Variants in NALCN observed in about 807,000 individuals in gnomAD.
NALCN encodes the protein sodium leak channel NALCN.
In NALCN, 111 loss-of-function variants were observed where a neutral mutation model predicts 225.3. The ratio of observed to expected loss-of-function variants is 0.49; its 90% CI spans 0.42 to 0.58. The LOEUF is 0.58. NALCN is among the 20% of genes least tolerant of loss of function. The pLI is 0.00. For synonymous variants in NALCN, 764 were observed against 769.0 expected, an observed-to-expected ratio of 0.99 and a Z score of 0.11; for missense variants, 1,378 against 2,202.4, an observed-to-expected ratio of 0.63 and a Z score of 7.49.
chr13:101,383,629 G>C (rs1346519286), intron 3 of NALCN, among the ~76,000 whole-genome samples: 2 of 152,162 alleles, frequency 1.3e-5, no homozygotes, highest in Non-Finnish European at 2.9e-5. Context: ...AATGTATACA[G>C]CAAGATGTCA....
rs79264337 is a variant in NALCN at position 101,111,178 on chromosome 13, G to A, written c.2241C>T (p.Pro747=). The A allele has an allele frequency of 3.7e-3, 5,974 of 1,608,526 alleles. 12 individuals are homozygous for A. Among genetic ancestry groups the A allele is most frequent in the African/African-American group, 0.01 (759 of 74,936 alleles). The change falls in exon 19 of 44, where the codon CCC becomes CCT. Residue 747 remains proline, a synonymous_variant. Transcript: ENST00000251127. ...CGCTGAGGATTGACCTCTCCTTTGCGGGCTGCCCCTCAAATGATCCGCTCA... is the reference window on the plus strand; with the variant it reads ...CGCTGAGGATTGACCTCTCCTTTGCAGGCTGCCCCTCAAATGATCCGCTCA... ...RMLSGSFEGQ[P]AKERSILSVQ...
Position 101,090,060 on chromosome 13 carries a change from ATG to A in NALCN, c.3270-96_3270-95del, listed in dbSNP as rs148372023. The A allele has an allele frequency of 6.4e-3, 9,535 of 1,492,816 alleles. 1 individual carries two copies. The highest frequency in any genetic ancestry group is 7.0e-3 in the Non-Finnish European group (7,668 of 1,099,972). The allele number at this position is 1,492,816 out of a possible 1,614,324, so 92.5% of individuals were successfully genotyped here. A position where few individuals can be genotyped will look rare whatever the true frequency, so the allele number is the denominator to read the frequency against. ...CCCTTTCCAGTCATGAGTGTGGGAT[ATG>A]TGTGTGTGTGTGTATATACACACAC... On this transcript the variant is annotated intron_variant, in intron 28 of 43. Transcript: ENST00000251127.
At chr13:101,406,859 A>G (rs2047640694) in intron 1 of NALCN, among the ~76,000 whole-genome samples, 1 of 152,164 alleles carries the variant, frequency 6.6e-6, no homozygotes, top group African/African-American at 2.4e-5. Context: ...CCATTTGATA[A>G]TCTCACCCCA....
In NALCN at chr13:101,089,534, A is replaced by C; in HGVS notation, c.3489+129T>G. The C allele has an allele frequency of 4.1e-6, 3 of 728,678 alleles. No individual in the cohort carries two copies. Among genetic ancestry groups the C allele is most frequent in the Non-Finnish European group, 6.8e-6 (3 of 440,890 alleles). 45.1% of individuals were successfully genotyped at this position (728,678 alleles called of 1,614,324 possible). On this transcript the variant is annotated intron_variant, in intron 30 of 43. Transcript: ENST00000251127. The surrounding 1 kb of genome is among the most constrained non-coding windows in gnomAD (Gnocchi z 4.7). ...ATGAGGGAGCTTGTAAAACAGTTAT[A>C]GAGATTATTTACACCAGTCACATTA...
In NALCN at chr13:101,089,619, T is replaced by A. The variant is rs374948074; in HGVS notation, c.3489+44A>T. 7.9e-5 allele frequency: 123 copies of A among 1,562,828 alleles called. No individual in the cohort carries two copies. The highest frequency in any genetic ancestry group is 1.0e-4 in the Non-Finnish European group (115 of 1,139,030). ...AAACAAATAGCTCAAAGTGAGTGGC[T>A]AGAAAAGGCTAAACCCTGTGGTATC... On this transcript the variant is annotated intron_variant, in intron 30 of 43. Transcript: ENST00000251127. This position sits in a 1 kb window ranked among gnomAD's most constrained non-coding sequence, Gnocchi z 4.7.
chr13:101,243,222 C>T (rs140748001), intron 11 of NALCN, among the ~76,000 whole-genome samples: 1,719 of 102,876 alleles, frequency 0.017, 564 homozygotes, highest in South Asian at 0.052. Context: ...TTACTTTGCC[C>T]TTATTATTAT....
chr13:101,311,994 CT>C (rs540812102), intron 7 of NALCN, among the ~76,000 whole-genome samples: 227 of 152,188 alleles, frequency 1.5e-3, no homozygotes, highest in African/African-American at 5.1e-3. Flanking sequence ...TGGTCCCGGA[CT>C]TTTTTTGGTT....
At chr13:101,142,138 C>CTTTTTTTTTTTTT (rs33925974) in intron 17 of NALCN, among the ~76,000 whole-genome samples, 9 of 97,062 alleles carry the variant, frequency 9.3e-5, no homozygotes, top group Admixed American at 1.2e-4. Flanking sequence ...CATTCTATGT[C>CTTTTTTTTTTTTT]TTTTTTTTTT....
intron 18 of NALCN, among the ~76,000 whole-genome samples, chr13:101,124,222 C>T (rs2036119855): frequency 6.6e-6 from 1 of 152,070 alleles, no homozygotes; most frequent in African/African-American, 2.4e-5. Flanking sequence ...AATAAATGTG[C>T]TCTTAATAGT....
Position 101,103,171 on chromosome 13 carries a change from C to A in NALCN, c.3057+1G>T. On this transcript the variant is annotated splice_donor_variant, in intron 26 of 43. Coordinates refer to ENST00000251127, the MANE Select transcript of NALCN (RefSeq NM_052867.4). LOFTEE classifies it high-confidence loss of function. Reference sequence around the variant, plus strand: ...GGAATCAAAGGATAATTCTCACATACCAAAAAAATTTCCTTGAAGCCGCTG... The same window carrying A: ...GGAATCAAAGGATAATTCTCACATAACAAAAAAATTTCCTTGAAGCCGCTG... 2 of 1,611,632 alleles carry A rather than the reference C, an allele frequency of 1.2e-6. No individual in the cohort carries two copies. The highest frequency in any genetic ancestry group is 1.7e-6 in the Non-Finnish European group (2 of 1,179,176).
Position 101,265,363 on chromosome 13 carries a change from C to T in NALCN, c.1135-6789G>A, listed in dbSNP as rs536276759. On this transcript the variant is annotated intron_variant, in intron 10 of 43. Coordinates refer to ENST00000251127, the MANE Select transcript of NALCN (RefSeq NM_052867.4). The stretch of plus-strand genomic sequence containing the variant: ...ATATAAAACTCATAACAGCAACCAA[C>T]GCTTTCATCTTGCTTTGTGTCCAAA... Among the ~76,000 whole-genome samples the T allele has an allele frequency of 4.6e-5, 7 of 152,256 alleles. No homozygotes were observed. In the South Asian group the frequency reaches 6.2e-4, roughly 14 times the overall value.
intron 13 of NALCN, among the ~76,000 whole-genome samples, chr13:101,222,097 T>C (rs1400688038): frequency 1.3e-5 from 2 of 152,302 alleles, no homozygotes; most frequent in Non-Finnish European, 2.9e-5. Flanking sequence ...GCCCTTGGAC[T>C]ATTAGCCCAA....
chr13:101,152,440 A>G (rs1208202552), intron 15 of NALCN, among the ~76,000 whole-genome samples: 1 of 152,168 alleles, frequency 6.6e-6, no homozygotes, highest in Non-Finnish European at 1.5e-5. Context: ...ATATCCCTGA[A>G]GTGTGCATAA....
intron 37 of NALCN, among the ~76,000 whole-genome samples, chr13:101,073,251 C>T (rs957087776): frequency 6.6e-6 from 1 of 152,028 alleles, no homozygotes; most frequent in East Asian, 1.9e-4. Context: ...AGCTGAGGGG[C>T]AGTGAACTAT....
intron 7 of NALCN, among the ~76,000 whole-genome samples, chr13:101,330,719 T>C (rs937381050): frequency 1.3e-5 from 2 of 152,148 alleles, no homozygotes; most frequent in African/African-American, 4.8e-5. Context: ...ATAATCCCCA[T>C]GTGTCCTGGG....
intron 15 of NALCN, among the ~76,000 whole-genome samples, chr13:101,154,992 A>T (rs2037835336): frequency 6.6e-6 from 1 of 152,236 alleles, no homozygotes; most frequent in South Asian, 2.1e-4. Flanking sequence ...AACTTGATAC[A>T]ACGTATTCAT....
intron 14 of NALCN, among the ~76,000 whole-genome samples, chr13:101,184,134 T>C (rs1371072755): frequency 1.3e-5 from 2 of 152,200 alleles, no homozygotes; most frequent in African/African-American, 4.8e-5. Context: ...AATAACAATG[T>C]ATTTCAGATA....
intron 34 of NALCN, among the ~76,000 whole-genome samples, chr13:101,077,534 T>C (rs1485889288): frequency 6.6e-6 from 1 of 152,192 alleles, no homozygotes; most frequent in African/African-American, 2.4e-5. Flanking sequence ...ACTCTTGTTA[T>C]GCTTTAGCAA....
chr13:101,329,688 A>T (rs1213575964), intron 7 of NALCN, among the ~76,000 whole-genome samples: 1 of 152,216 alleles, frequency 6.6e-6, no homozygotes, highest in East Asian at 1.9e-4. Context: ...ATATAAAATC[A>T]TAGATGCATC....
Sources: gnomAD v4.1 joint callset for allele counts (sites outside exome capture counted in the v4.1 genomes callset) on GRCh38, gnomAD v4.1.1 for gene constraint, Gnocchi (gnomAD v3.1) non-coding constraint, MANE v1.5 for transcripts, NCBI Gene and HGNC (gene_info 2026-07-23, HGNC 2026-07-21) for gene names.